The following IGSF10 variants were observed in gnomAD, a reference collection of about 807,000 sequenced individuals.
IGSF10 encodes immunoglobulin superfamily member 10.
Under a neutral mutation model 128.2 loss-of-function variants are expected in IGSF10, and 126 were observed. That is an observed-to-expected ratio of 0.98 (90% CI 0.85 to 1.14). The LOEUF is 1.14. IGSF10 is among the 50% of genes most tolerant of loss of function. The pLI is 0.00. For synonymous variants in IGSF10, 1,185 were observed against 1,146.2 expected, an observed-to-expected ratio of 1.03 and a Z score of -0.68; for missense variants, 3,295 against 3,149.8, an observed-to-expected ratio of 1.05 and a Z score of -1.10.
chr3:151,446,159 C>A lies in IGSF10; in HGVS notation c.3822G>T (p.Thr1274=). 6.2e-7 allele frequency: 1 copy of A among 1,614,042 alleles called. No homozygotes were observed. The highest frequency in any genetic ancestry group is 1.1e-5 in the South Asian group (1 of 91,062). ...GACTTCCAGGATTGTGTGTTTTGGT[C>A]GTAGTGTGGTGAGCGGTAGTCAAGG... ...SNTLTTAHHT[T]TKTHNPGSLP... The change falls in exon 6 of 8, where the codon ACG becomes ACT. Residue 1274 remains threonine, a synonymous_variant. Transcript: ENST00000282466.
intron 5 of IGSF10, among the ~76,000 whole-genome samples, chr3:151,453,109 G>T (rs1441022328): frequency 6.6e-6 from 1 of 152,114 alleles, no homozygotes; most frequent in East Asian, 1.9e-4. Context: ...AGGAGCATGA[G>T]ATTTATTCTC....
chr3:151,448,691 C>G lies in IGSF10; in HGVS notation c.1290G>C (p.Met430Ile). 1 of 1,614,124 alleles carries G rather than the reference C, an allele frequency of 6.2e-7. No individual in the cohort carries two copies. Among genetic ancestry groups the G allele is most frequent in the Non-Finnish European group, 8.5e-7 (1 of 1,179,996 alleles). ...ADLRADPSWL[M>I]QDQISLQLNR... ...TCAGCTGCAAGGAAATTTGGTCTTG[C>G]ATTAACCAAGAGGGATCTGCTCTGA... The change falls in exon 6 of 8, where the codon ATG becomes ATC. Residue 430 changes from methionine (M) to isoleucine (I), a missense_variant. By Grantham distance (10) the Met-to-Ile change is conservative. Transcript: ENST00000282466.
the IGSF10 span, among the ~76,000 whole-genome samples, chr3:151,585,753 C>T: frequency 4.6e-5 from 7 of 151,930 alleles, no homozygotes; most frequent in Admixed American, 3.3e-4. Context: ...TTTGTTTTTA[C>T]TTCCATGCAT....
chr3:151,491,931 A>G, the IGSF10 span, among the ~76,000 whole-genome samples: 7 of 152,290 alleles, frequency 4.6e-5, no homozygotes, highest in East Asian at 1.4e-3. Flanking sequence ...AATACTTCGA[A>G]AAGATTATAT....
At chr3:151,526,804 T>C in the IGSF10 span, among the ~76,000 whole-genome samples, 2 of 152,176 alleles carry the variant, frequency 1.3e-5, no homozygotes, top group Non-Finnish European at 2.9e-5. Context: ...ATCTTCATCT[T>C]TACCTAGTTC....
the IGSF10 span, among the ~76,000 whole-genome samples, chr3:151,612,566 G>C: frequency 1.3e-5 from 2 of 152,118 alleles, no homozygotes; most frequent in Admixed American, 6.6e-5. Context: ...ACTCCCTAAA[G>C]AACCCATTCC....
At chr3:151,451,878 G>A (rs1191861728) in intron 5 of IGSF10, among the ~76,000 whole-genome samples, 1 of 152,168 alleles carries the variant, frequency 6.6e-6, no homozygotes, top group Non-Finnish European at 1.5e-5. Flanking sequence ...TAGAGAAACA[G>A]CCACAAATTC....
chr3:151,442,951 G>T (rs768984904), intron 7 of IGSF10, 33 bp downstream of exon 7: 16 of 1,569,020 alleles, frequency 1.0e-5, no homozygotes, highest in Non-Finnish European at 1.4e-5. Flanking sequence ...AATACATAAA[G>T]CAGATAATTC....
the IGSF10 span, among the ~76,000 whole-genome samples, chr3:151,578,092 T>C: frequency 7.2e-5 from 11 of 152,354 alleles, no homozygotes; most frequent in East Asian, 1.5e-3. Context: ...ATAGAGGCAA[T>C]GCATTACTGT....
chr3:151,562,805 A>G, the IGSF10 span, among the ~76,000 whole-genome samples: 1 of 152,136 alleles, frequency 6.6e-6, no homozygotes, highest in African/African-American at 2.4e-5. Context: ...AAGAGACCCA[A>G]GTGAATAAGA....
At chr3:151,470,531 T>A in the IGSF10 span, among the ~76,000 whole-genome samples, 3 of 152,192 alleles carry the variant, frequency 2.0e-5, no homozygotes, top group African/African-American at 7.2e-5. Flanking sequence ...GGGAAGACAG[T>A]CATGAGCAGG....
chr3:151,540,626 A>G, the IGSF10 span, among the ~76,000 whole-genome samples: 54 of 152,318 alleles, frequency 3.5e-4, no homozygotes, highest in South Asian at 2.3e-3. Flanking sequence ...GTGCACATAT[A>G]TCTATGTACT....
At chr3:151,519,792 A>T in the IGSF10 span, among the ~76,000 whole-genome samples, 1 of 151,846 alleles carries the variant, frequency 6.6e-6, no homozygotes, top group Non-Finnish European at 1.5e-5. Flanking sequence ...GTCCCAGGTG[A>T]GAGTAAAGCC....
the IGSF10 span, among the ~76,000 whole-genome samples, chr3:151,478,003 A>C: frequency 6.6e-6 from 1 of 152,244 alleles, no homozygotes; most frequent in African/African-American, 2.4e-5. Flanking sequence ...AATCATTTAA[A>C]AATTCAAAAT....
the IGSF10 span, among the ~76,000 whole-genome samples, chr3:151,511,976 G>T: frequency 0.025 from 3,771 of 152,214 alleles, 144 homozygotes; most frequent in African/African-American, 0.086. Flanking sequence ...AGTCCTTAGT[G>T]ACCTACAAAG....
the IGSF10 span, among the ~76,000 whole-genome samples, chr3:151,597,736 G>A: frequency 1.4e-4 from 22 of 152,204 alleles, no homozygotes; most frequent in African/African-American, 5.1e-4. Context: ...GGCCAATATG[G>A]TGAAACCTCG....
chr3:151,549,567 C>T, the IGSF10 span, among the ~76,000 whole-genome samples: 1 of 152,166 alleles, frequency 6.6e-6, no homozygotes, highest in African/African-American at 2.4e-5. Context: ...TGAGATTTAA[C>T]TTTCAGAATT....
the IGSF10 span, among the ~76,000 whole-genome samples, chr3:151,503,015 A>T: frequency 6.6e-6 from 1 of 152,120 alleles, no homozygotes; most frequent in Admixed American, 6.6e-5. Context: ...GGACTCCATC[A>T]TCACTCTCAG....
chr3:151,579,525 G>GAAATGGCCAGA, the IGSF10 span, among the ~76,000 whole-genome samples: 1 of 151,514 alleles, frequency 6.6e-6, no homozygotes, highest in African/African-American at 2.4e-5. Context: ...GAATGATATA[G>GAAATGGCCAGA]AAATGGCCAG....
Sources: allele counts gnomAD v4.1 joint callset (sites outside exome capture counted in the v4.1 genomes callset), GRCh38; gene constraint gnomAD v4.1.1; transcripts MANE v1.5; gene names NCBI Gene and HGNC (gene_info 2026-07-23, HGNC 2026-07-21).